Variants in RBM4 observed in about 807,000 individuals in gnomAD.
RBM4 encodes RNA binding motif protein 4.
In RBM4, 7 loss-of-function variants were observed where a neutral mutation model predicts 29.5. The observed-to-expected ratio is 0.24, with a 90% CI of 0.14 to 0.45. The LOEUF is 0.45. Ranked by LOEUF, RBM4 falls within the 20% of genes least tolerant of loss-of-function variation. RBM4 has a pLI of 1.00. For synonymous variants in RBM4, 220 were observed against 205.4 expected (o/e 1.07, Z -0.61); for missense variants, 387 against 502.3 (o/e 0.77, Z 2.19).
intron 2 of RBM4, among the ~76,000 whole-genome samples, chr11:66,664,710 C>T (rs1033881446): frequency 2.0e-5 from 3 of 152,210 alleles, no homozygotes; most frequent in Admixed American, 2.0e-4. Flanking sequence ...CCACCTTGGC[C>T]TCCCAAAGTG....
At chr11:66,652,115 A>T (rs643453) in intron 2 of RBM4, among the ~76,000 whole-genome samples, 147,382 of 150,816 alleles carry the variant, frequency 0.98, 72,074 homozygotes, top group East Asian at 1. Context: ...AAATGAAAAA[A>T]TTTTTTTTTT....
At chr11:66,663,673 G>C (rs892744988) in intron 2 of RBM4, among the ~76,000 whole-genome samples, 1 of 151,780 alleles carries the variant, frequency 6.6e-6, no homozygotes, top group Non-Finnish European at 1.5e-5. Context: ...CTGGAGAGGG[G>C]TGGTAACTAG....
At chr11:66,667,720 A>G (rs1939292425) in exon 3 of RBM4, 1 of 119,568 alleles carries the variant, frequency 8.4e-6, no homozygotes. Flanking sequence ...TTTTAAATAA[A>G]GGAGAGACAG....
In RBM4 at chr11:66,640,132, C is replaced by T; in HGVS notation, c.412+9C>T. On this transcript the variant is annotated intron_variant, in intron 2 of 3. Coordinates refer to ENST00000310092, the MANE Select transcript of RBM4 (RefSeq NM_002896.4). Reference sequence around the variant, plus strand: ...TAACACAGAGTTTCAAGGTGAACCACCCTCTTTGGGTAGAGGGCTGAACAC... The same window carrying T: ...TAACACAGAGTTTCAAGGTGAACCATCCTCTTTGGGTAGAGGGCTGAACAC... The T allele has an allele frequency of 6.2e-7, 1 of 1,614,138 alleles. No individual in the cohort carries two copies. Among genetic ancestry groups the T allele is most frequent in the South Asian group, 1.1e-5 (1 of 91,082 alleles).
chr11:66,646,852 T>A (rs887026235), downstream of RBM4, among the ~76,000 whole-genome samples: 1 of 152,154 alleles, frequency 6.6e-6, no homozygotes, highest in African/African-American at 2.4e-5. Context: ...GAAGAGGAAG[T>A]CAGTTTTCGC....
In RBM4 at chr11:66,639,687, T is replaced by G. The variant is rs1352633727; in HGVS notation, c.-12-13T>G. 1.2e-6 allele frequency: 2 copies of G among 1,606,300 alleles called. No individual in the cohort carries two copies. Among genetic ancestry groups the G allele is most frequent in the Non-Finnish European group, 1.7e-6 (2 of 1,174,626 alleles). ...TGAGGTCTTTTGTCAGATGTCTTGTTTTTCTCTCCCAGGCTCTTGTCAGGA... is the reference window on the plus strand; with the variant it reads ...TGAGGTCTTTTGTCAGATGTCTTGTGTTTCTCTCCCAGGCTCTTGTCAGGA... On this transcript the variant is annotated splice_polypyrimidine_tract_variant and intron_variant, in intron 1 of 3. Transcript: ENST00000310092.
Position 66,643,362 on chromosome 11 carries a change from A to G in RBM4, c.413-88A>G. ...AGTCCTGCATTAGAATTGTCTAGAT[A>G]AAGCCATTGCTATGACCAGTGTCTG... On this transcript the variant is annotated intron_variant, in intron 2 of 3. Coordinates refer to ENST00000310092, the MANE Select transcript of RBM4 (RefSeq NM_002896.4). This position sits in a 1 kb window ranked among gnomAD's most constrained non-coding sequence, Gnocchi z 6.1. 6.7e-7 allele frequency: 1 copy of G among 1,486,864 alleles called. No homozygotes were observed. The highest frequency in any genetic ancestry group is 1.4e-5 in the South Asian group (1 of 73,924). The allele number at this position is 1,486,864 out of a possible 1,614,324, so 92.1% of individuals were successfully genotyped here.
intron 2 of RBM4, among the ~76,000 whole-genome samples, chr11:66,663,562 C>T (rs1304571547): frequency 6.6e-6 from 1 of 152,086 alleles, no homozygotes; most frequent in Non-Finnish European, 1.5e-5. Flanking sequence ...ATCTCCTGAC[C>T]TCGTGATTCG....
Position 66,643,836 on chromosome 11 carries a change from A to G in RBM4, c.799A>G (p.Thr267Ala), listed in dbSNP as rs1456938550. 3.7e-6 allele frequency: 6 copies of G among 1,612,664 alleles called. No individual in the cohort carries two copies. Among genetic ancestry groups the G allele is most frequent in the Non-Finnish European group, 5.1e-6 (6 of 1,179,682 alleles). The change falls in exon 3 of 4, where the codon ACC becomes GCC. Residue 267 changes from threonine to alanine, a missense_variant. Physicochemically the swap from Thr to Ala is moderately conservative, Grantham distance 58. Transcript: ENST00000310092. The surrounding 1 kb of genome is among the most constrained non-coding windows in gnomAD (Gnocchi z 6.1). ...NTAMASHLTS[T>A]SLDPYDRHLL... ...AGCCATGGCCAGTCACCTCACCTCC[A>G]CCTCTCTCGATCCCTACGATAGACA...
At chr11:66,639,364 C>G (rs1468785612) in intron 1 of RBM4, 1 of 259,448 alleles carries the variant, frequency 3.9e-6, no homozygotes, top group Non-Finnish European at 7.4e-6. Context: ...CTTTTGTTTT[C>G]TGTTGTCCTC....
intron 2 of RBM4, among the ~76,000 whole-genome samples, chr11:66,657,370 CTT>C (rs1426249167): frequency 2.6e-5 from 4 of 151,544 alleles, no homozygotes; most frequent in African/African-American, 4.9e-5. Flanking sequence ...AAGCTATACT[CTT>C]GTCTCAGCCT....
chr11:66,655,555 T>C (rs1938933369), intron 2 of RBM4, among the ~76,000 whole-genome samples: 1 of 152,108 alleles, frequency 6.6e-6, no homozygotes, highest in Non-Finnish European at 1.5e-5. Context: ...GCTGGGATTA[T>C]AGGAATGAGC....
chr11:66,661,171 A>G (rs1277167334), intron 2 of RBM4, among the ~76,000 whole-genome samples: 1 of 152,164 alleles, frequency 6.6e-6, no homozygotes, highest in Non-Finnish European at 1.5e-5. Context: ...AGCTGATTCT[A>G]TCATTTCTTG....
chr11:66,640,890 C>G (rs1050286711), intron 2 of RBM4: 1 of 152,206 alleles, frequency 6.6e-6, no homozygotes, highest in Non-Finnish European at 1.5e-5. Flanking sequence ...TTGGAAGCAT[C>G]TCAAATCCCC....
intron 2 of RBM4, among the ~76,000 whole-genome samples, chr11:66,655,519 C>T (rs1056182478): frequency 2.6e-5 from 4 of 152,060 alleles, no homozygotes; most frequent in Non-Finnish European, 5.9e-5. Context: ...TGGGCTCAAG[C>T]GATTCTCACC....
downstream of RBM4, among the ~76,000 whole-genome samples, chr11:66,647,347 T>A (rs474602): frequency 0.43 from 65,918 of 151,978 alleles, 16,040 homozygotes; most frequent in South Asian, 0.6. Context: ...ATTTTTTTTT[T>A]AAATTAATTG....
In RBM4 at chr11:66,643,315, T is replaced by G; in HGVS notation, c.413-135T>G. The stretch of plus-strand genomic sequence containing the variant: ...TATGTTGAGTCTTTTTTTTTTTTCC[T>G]TTTTATCTTTTCCTAAAGATGAGTC... On this transcript the variant is annotated intron_variant, in intron 2 of 3. Transcript: ENST00000310092. This position sits in a 1 kb window ranked among gnomAD's most constrained non-coding sequence, Gnocchi z 6.1. The G allele has an allele frequency of 8.4e-7, 1 of 1,196,796 alleles. No individual in the cohort carries two copies. The allele number at this position is 1,196,796 out of a possible 1,614,324, so 74.1% of individuals were successfully genotyped here.
exon 3 of RBM4, chr11:66,667,805 C>G (rs368273425): frequency 6.6e-6 from 1 of 152,058 alleles, no homozygotes; most frequent in African/African-American, 2.4e-5. Context: ...CTCCTGGGCT[C>G]AAGCAATCCT....
chr11:66,659,380 T>A (rs1378032429), intron 2 of RBM4, among the ~76,000 whole-genome samples: 2 of 151,316 alleles, frequency 1.3e-5, no homozygotes, highest in Non-Finnish European at 2.9e-5. Context: ...AAGTGATTCT[T>A]CTGCCTCAGT....
Sources: allele counts gnomAD v4.1 joint callset (sites outside exome capture counted in the v4.1 genomes callset), GRCh38; gene constraint gnomAD v4.1.1; non-coding constraint Gnocchi (gnomAD v3.1); transcripts MANE v1.5; gene names NCBI Gene and HGNC (gene_info 2026-07-23, HGNC 2026-07-21).